Variants in DEUP1 observed in about 807,000 individuals in gnomAD.
The protein encoded by DEUP1 is coiled-coil domain containing 67.
A neutral mutation model predicts 87.4 loss-of-function variants in DEUP1; 82 were observed. That is an observed-to-expected ratio of 0.94 (90% CI 0.78 to 1.13). The LOEUF (loss-of-function observed/expected upper bound fraction) is 1.13, where lower values mean the gene tolerates loss of function less well. Among genes scored for constraint, DEUP1 ranks in the 50% most tolerant of loss-of-function variants. DEUP1 has a pLI of 0.00. For missense variants in DEUP1, 663 were observed against 681.5 expected (o/e 0.97, Z 0.30); for synonymous variants, 214 against 222.7 (o/e 0.96, Z 0.35).
intron 2 of DEUP1, among the ~76,000 whole-genome samples, chr11:93,347,670 A>G (rs1944419816): frequency 6.6e-6 from 1 of 152,060 alleles, no homozygotes; most frequent in Non-Finnish European, 1.5e-5. Flanking sequence ...TAGGCTATTT[A>G]TTATTGATTC....
In DEUP1 at chr11:93,437,748, C is replaced by CCT. The variant is rs201024452; in HGVS notation, c.*30_*31insTC. 5 of 1,065,116 alleles carry CCT rather than the reference C, an allele frequency of 4.7e-6. No individual in the cohort carries two copies. Among genetic ancestry groups the CCT allele is most frequent in the East Asian group, 5.5e-5 (2 of 36,080 alleles). The allele number at this position is 1,065,116 out of a possible 1,614,324, so 66.0% of individuals were successfully genotyped here. The stretch of plus-strand genomic sequence containing the variant: ...TTTAAACTTTTTTATTTGCTTCCCC[C>CCT]CCCCACCCCCGCCAAGAAAAAAAGC... On this transcript the variant is annotated 3_prime_UTR_variant, in exon 14 of 14. Transcript: ENST00000298050.
At chr11:93,412,814 T>C (rs1485582611) in intron 12 of DEUP1, among the ~76,000 whole-genome samples, 7 of 152,180 alleles carry the variant, frequency 4.6e-5, no homozygotes, top group Admixed American at 4.6e-4. Flanking sequence ...ACTTGAATTG[T>C]GAGATGTTTC....
rs775279185 is a variant in DEUP1 at position 93,414,991 on chromosome 11, C to T, written c.1524-9C>T. 1 of 1,445,538 alleles carries T rather than the reference C, an allele frequency of 6.9e-7. No homozygotes were observed. The highest frequency in any genetic ancestry group is 1.4e-5 in the African/African-American group (1 of 69,244). The allele number at this position is 1,445,538 out of a possible 1,614,324, so 89.5% of individuals were successfully genotyped here. Reference sequence around the variant, plus strand: ...ATAGCAACAACAACAACCATTTCTTCTCTTTTAGACTTAGTCATGACTGTG... The same window carrying T: ...ATAGCAACAACAACAACCATTTCTTTTCTTTTAGACTTAGTCATGACTGTG... On this transcript the variant is annotated splice_polypyrimidine_tract_variant and intron_variant, in intron 12 of 13. Coordinates refer to ENST00000298050, the MANE Select transcript of DEUP1 (RefSeq NM_181645.4).
intron 1 of DEUP1, among the ~76,000 whole-genome samples, chr11:93,331,990 G>C (rs563871897): frequency 6.6e-6 from 1 of 152,280 alleles, no homozygotes; most frequent in African/African-American, 2.4e-5. Flanking sequence ...GCAGTGAGCT[G>C]AGATCGTGCC....
chr11:93,354,811 AGAT>A (rs1944807272), intron 2 of DEUP1, among the ~76,000 whole-genome samples: 1 of 152,180 alleles, frequency 6.6e-6, no homozygotes, highest in African/African-American at 2.4e-5. Context: ...GAATTCTGGG[AGAT>A]ACAATTCAAG....
intron 13 of DEUP1, among the ~76,000 whole-genome samples, chr11:93,435,198 C>T (rs1948208037): frequency 6.6e-6 from 1 of 152,144 alleles, no homozygotes; most frequent in South Asian, 2.1e-4. Context: ...TGCTAGGGAC[C>T]TATTGCAGTC....
chr11:93,341,703 C>T (rs984415880), intron 2 of DEUP1, among the ~76,000 whole-genome samples: 1 of 152,164 alleles, frequency 6.6e-6, no homozygotes, highest in Non-Finnish European at 1.5e-5. Context: ...GCCCGGATGA[C>T]AGAGTAAGAC....
chr11:93,378,715 G>T (rs1946155084), intron 7 of DEUP1, among the ~76,000 whole-genome samples: 1 of 152,056 alleles, frequency 6.6e-6, no homozygotes, highest in Non-Finnish European at 1.5e-5. Flanking sequence ...ATGTCAGATG[G>T]AAGATCTGGG....
chr11:93,361,042 G>A (rs1024386390), intron 4 of DEUP1, among the ~76,000 whole-genome samples: 1 of 151,922 alleles, frequency 6.6e-6, no homozygotes, highest in African/African-American at 2.4e-5. Context: ...AAAAAATCTT[G>A]GAAGCAGCAA....
In DEUP1 at chr11:93,394,445, T is replaced by G; in HGVS notation, c.1042-14T>G. On this transcript the variant is annotated splice_polypyrimidine_tract_variant and intron_variant, in intron 9 of 13. Transcript: ENST00000298050. ...AAAGGATTCAATAATATTTCCAGTCTCTATCTGCTGCAGATAAGAAGCCAA... is the reference window on the plus strand; with the variant it reads ...AAAGGATTCAATAATATTTCCAGTCGCTATCTGCTGCAGATAAGAAGCCAA... 6.6e-7 allele frequency: 1 copy of G among 1,523,184 alleles called. No individual in the cohort carries two copies. The highest frequency in any genetic ancestry group is 8.8e-7 in the Non-Finnish European group (1 of 1,137,824). The allele number at this position is 1,523,184 out of a possible 1,614,324, so 94.4% of individuals were successfully genotyped here.
At chr11:93,408,467 C>T in intron 12 of DEUP1, 40 bp downstream of exon 12, 1 of 1,221,362 alleles carries the variant, frequency 8.2e-7, no homozygotes, top group Non-Finnish European at 1.1e-6. Flanking sequence ...AGTTTAAAAA[C>T]ATGTAATTAA....
At chr11:93,363,925 T>C (rs1945293461) in intron 4 of DEUP1, among the ~76,000 whole-genome samples, 1 of 151,950 alleles carries the variant, frequency 6.6e-6, no homozygotes, top group South Asian at 2.1e-4. Context: ...AAGTGAATAA[T>C]TGTTTAACTG....
chr11:93,341,859 G>A (rs1243346333), intron 2 of DEUP1, among the ~76,000 whole-genome samples: 2 of 152,170 alleles, frequency 1.3e-5, no homozygotes, highest in Non-Finnish European at 2.9e-5. Flanking sequence ...CAAAGTCAAA[G>A]TGTTGGCAGG....
chr11:93,413,639 T>C (rs11020316), intron 12 of DEUP1, among the ~76,000 whole-genome samples: 49,143 of 152,092 alleles, frequency 0.32, 8,515 homozygotes, highest in African/African-American at 0.43. Flanking sequence ...TGTAAAACTT[T>C]AGGATAAATT....
chr11:93,396,936 G>C (rs1277734672), intron 11 of DEUP1, among the ~76,000 whole-genome samples: 3 of 152,178 alleles, frequency 2.0e-5, no homozygotes, highest in Non-Finnish European at 4.4e-5. Context: ...AACTTAAACA[G>C]GCTCTGTGCA....
chr11:93,427,890 G>GGA (rs36194932), intron 13 of DEUP1, among the ~76,000 whole-genome samples: 3 of 135,240 alleles, frequency 2.2e-5, no homozygotes, highest in Non-Finnish European at 4.8e-5. Flanking sequence ...CATCATCACT[G>GGA]CATCAGAGAA....
intron 7 of DEUP1, among the ~76,000 whole-genome samples, chr11:93,383,233 AATAG>A (rs1294886717): frequency 6.6e-6 from 1 of 152,260 alleles, no homozygotes. Flanking sequence ...TCAACTGATG[AATAG>A]ATAAACAAAA....
At chr11:93,409,078 A>C (rs552619854) in intron 12 of DEUP1, among the ~76,000 whole-genome samples, 1 of 152,264 alleles carries the variant, frequency 6.6e-6, no homozygotes, top group South Asian at 2.1e-4. Context: ...GCTGGTCTCT[A>C]ACTCCTGACC....
Position 93,414,993 on chromosome 11 carries a change from C to G in DEUP1, c.1524-7C>G. On this transcript the variant is annotated splice_polypyrimidine_tract_variant and splice_region_variant and intron_variant, in intron 12 of 13. Coordinates refer to ENST00000298050, the MANE Select transcript of DEUP1 (RefSeq NM_181645.4). ...AGCAACAACAACAACCATTTCTTCT[C>G]TTTTAGACTTAGTCATGACTGTGAG... The G allele has an allele frequency of 6.0e-6, 9 of 1,496,748 alleles. No individual in the cohort carries two copies. The highest frequency in any genetic ancestry group is 8.1e-6 in the Non-Finnish European group (9 of 1,112,300). 92.7% of individuals were successfully genotyped at this position (1,496,748 alleles called of 1,614,324 possible).
Sources: gnomAD v4.1 joint callset for allele counts (sites outside exome capture counted in the v4.1 genomes callset) on GRCh38, gnomAD v4.1.1 for gene constraint, MANE v1.5 for transcripts, NCBI Gene and HGNC (gene_info 2026-07-23, HGNC 2026-07-21) for gene names.